CXCL13: variants seen among roughly 807,000 people sequenced by gnomAD.
The protein encoded by CXCL13 is C-X-C motif chemokine 13.
CXCL13 carries 7 observed loss-of-function variants against 12.2 expected under a neutral mutation model. The ratio of observed to expected loss-of-function variants is 0.57; its 90% CI spans 0.33 to 1.07. The LOEUF (loss-of-function observed/expected upper bound fraction) is 1.07, where lower values mean the gene tolerates loss of function less well. Among genes scored for constraint, CXCL13 ranks in the 50% least tolerant of loss-of-function variants. CXCL13 has a pLI of 0.04. For synonymous variants in CXCL13, 47 were observed against 42.4 expected, an observed-to-expected ratio of 1.11 and a Z score of -0.42; for missense variants, 113 against 127.4, an observed-to-expected ratio of 0.89 and a Z score of 0.55.
At chr4:77,567,743 G>A (rs971595976) in intron 1 of CXCL13, among the ~76,000 whole-genome samples, 2 of 152,170 alleles carry the variant, frequency 1.3e-5, no homozygotes, top group Admixed American at 6.5e-5. Flanking sequence ...CACCATGACA[G>A]TGTATAAATG....
intron 1 of CXCL13, among the ~76,000 whole-genome samples, chr4:77,598,571 G>C: frequency 6.6e-6 from 1 of 152,102 alleles, no homozygotes; most frequent in East Asian, 1.9e-4. Flanking sequence ...AAGACTATTT[G>C]AATAACAAAA....
chr4:77,537,248 C>T (rs1725081654), intron 1 of CXCL13, among the ~76,000 whole-genome samples: 1 of 152,140 alleles, frequency 6.6e-6, no homozygotes, highest in Non-Finnish European at 1.5e-5. Flanking sequence ...TACAAGAGTA[C>T]AGAGTCATTG....
At chr4:77,529,709 T>C (rs771381677) in intron 1 of CXCL13, among the ~76,000 whole-genome samples, 9 of 152,216 alleles carry the variant, frequency 5.9e-5, no homozygotes, top group Non-Finnish European at 1.3e-4. Context: ...TATAGAATCA[T>C]GTCATCTGCA....
intron 1 of CXCL13, among the ~76,000 whole-genome samples, chr4:77,552,093 A>G (rs891973771): frequency 1.3e-5 from 2 of 151,868 alleles, no homozygotes; most frequent in Non-Finnish European, 2.9e-5. Context: ...CTGAGTTTCC[A>G]TTTTGGTTAG....
chr4:77,594,995 T>C (rs1426432136), intron 1 of CXCL13, among the ~76,000 whole-genome samples: 3 of 151,962 alleles, frequency 2.0e-5, no homozygotes, highest in African/African-American at 7.2e-5. Flanking sequence ...TAAGAGTATG[T>C]ACATCACAGA....
chr4:77,552,420 A>G (rs1451849703), intron 1 of CXCL13, among the ~76,000 whole-genome samples: 1 of 152,232 alleles, frequency 6.6e-6, no homozygotes, highest in Non-Finnish European at 1.5e-5. Context: ...TTCAAACTAC[A>G]AGCCATAGAT....
chr4:77,515,476 A>G (rs77303314), intron 1 of CXCL13, among the ~76,000 whole-genome samples: 1 of 152,130 alleles, frequency 6.6e-6, no homozygotes, highest in Admixed American at 6.5e-5. Context: ...ATCCTCTTTT[A>G]TTTCATTGAG....
chr4:77,590,497 G>A (rs951206131), intron 1 of CXCL13, among the ~76,000 whole-genome samples: 1 of 152,188 alleles, frequency 6.6e-6, no homozygotes, highest in Non-Finnish European at 1.5e-5. Context: ...GCATAATTCA[G>A]TAAAGTGAAA....
At chr4:77,553,103 G>A (rs1244138135) in intron 1 of CXCL13, among the ~76,000 whole-genome samples, 7 of 152,150 alleles carry the variant, frequency 4.6e-5, no homozygotes, top group Admixed American at 3.9e-4. Flanking sequence ...GCAGATTGGT[G>A]TACCCAGCAA....
chr4:77,533,855 G>A (rs1161107513), intron 1 of CXCL13, among the ~76,000 whole-genome samples: 1 of 152,216 alleles, frequency 6.6e-6, no homozygotes, highest in Non-Finnish European at 1.5e-5. Context: ...ATAATCTCCT[G>A]GTGTGCCATT....
upstream of CXCL13, among the ~76,000 whole-genome samples, chr4:77,604,507 G>C (rs1046313563): frequency 7.3e-5 from 11 of 151,636 alleles, no homozygotes; most frequent in African/African-American, 2.7e-4. Context: ...GTTGTGATAA[G>C]GGGTTGAATT....
chr4:77,573,672 C>T lies in CXCL13; in HGVS notation c.-42-32152C>T, dbSNP rs186025657. On this transcript the variant is annotated intron_variant, in intron 1 of 4. Transcript: ENST00000286758. ...GTTATTTAAAGTATGGTTTAAAATA[C>T]GGATTTAGGAAAAACAACATGGCAC... Among the ~76,000 whole-genome samples the T allele has an allele frequency of 4.2e-3, 635 of 151,832 alleles. 8 individuals are homozygous for T. Among genetic ancestry groups the T allele is most frequent in the Non-Finnish European group, 3.9e-3 (267 of 67,988 alleles).
chr4:77,541,771 A>G (rs918996004), intron 1 of CXCL13, among the ~76,000 whole-genome samples: 4 of 152,208 alleles, frequency 2.6e-5, no homozygotes, highest in Non-Finnish European at 5.9e-5. Flanking sequence ...TGGTAGCTTA[A>G]TATGAATACC....
chr4:77,538,113 A>C (rs1242534581), intron 1 of CXCL13, among the ~76,000 whole-genome samples: 2 of 152,148 alleles, frequency 1.3e-5, no homozygotes, highest in Non-Finnish European at 2.9e-5. Flanking sequence ...CCTTGAACCC[A>C]CTGTGCCTAA....
chr4:77,549,967 C>G (rs1306868858), intron 1 of CXCL13, among the ~76,000 whole-genome samples: 1 of 152,236 alleles, frequency 6.6e-6, no homozygotes, highest in East Asian at 1.9e-4. Flanking sequence ...CAGAGGCAGG[C>G]AGACCTCCTT....
rs1025081480 is a variant in CXCL13, at chr4:77,589,556, GA to G, written c.-42-16258del. 3.0e-4 allele frequency among the ~76,000 whole-genome samples: 41 copies of G among 134,630 alleles called. No homozygotes were observed. The South Asian group carries it at 3.8e-3, about 12-fold the overall frequency. 88.3% of individuals were successfully genotyped at this position (134,630 alleles called of 152,430 possible). A position where few individuals can be genotyped will look rare whatever the true frequency, so the allele number is the denominator to read the frequency against. On this transcript the variant is annotated intron_variant, in intron 1 of 4. Coordinates refer to the CXCL13 transcript ENST00000286758. The stretch of plus-strand genomic sequence containing the variant: ...ATTGTAGGCAGGTATGTATGTATCA[GA>G]AAAAAAAAACCTAGTACATATAGGG...
rs116810461 is a variant in CXCL13 at position 77,541,919 on chromosome 4, G to A, written c.-43+30131G>A. Among the ~76,000 whole-genome samples, 321 of 152,204 alleles carry A rather than the reference G, an allele frequency of 2.1e-3. 2 individuals carry two copies. Among genetic ancestry groups the A allele is most frequent in the African/African-American group, 7.4e-3 (309 of 41,542 alleles). Reference sequence around the variant, plus strand: ...GGTGTTTTCTAGTTCTCCTTGTAGAGATCTTTCACCTACTTGGTTAGATTA... The same window carrying A: ...GGTGTTTTCTAGTTCTCCTTGTAGAAATCTTTCACCTACTTGGTTAGATTA... On this transcript the variant is annotated intron_variant, in intron 1 of 4. Coordinates refer to the CXCL13 transcript ENST00000286758.
chr4:77,530,202 A>G (rs951715334), intron 1 of CXCL13, among the ~76,000 whole-genome samples: 6 of 152,168 alleles, frequency 3.9e-5, no homozygotes, highest in Non-Finnish European at 7.3e-5. Flanking sequence ...GGATTTTTGC[A>G]TCGATGTTCA....
At chr4:77,569,701 C>T (rs151325159) in intron 1 of CXCL13, among the ~76,000 whole-genome samples, 2 of 152,104 alleles carry the variant, frequency 1.3e-5, no homozygotes, top group Non-Finnish European at 2.9e-5. Flanking sequence ...TCATACTGCC[C>T]AAAGCAATTG....
Sources: allele counts gnomAD v4.1 joint callset (sites outside exome capture counted in the v4.1 genomes callset), GRCh38; gene constraint gnomAD v4.1.1; transcripts MANE v1.5; gene names NCBI Gene and HGNC (gene_info 2026-07-23, HGNC 2026-07-21).